ARHGEF10L: variants seen among roughly 807,000 people sequenced by gnomAD.
ARHGEF10L encodes the protein Rho guanine nucleotide exchange factor 10 like, also known as rho guanine nucleotide exchange factor 10-like protein.
ARHGEF10L carries 69 observed loss-of-function variants against 141.2 expected under a neutral mutation model. The ratio of observed to expected loss-of-function variants is 0.49; its 90% CI spans 0.40 to 0.60. ARHGEF10L has a LOEUF of 0.60. ARHGEF10L is among the 20% of genes least tolerant of loss of function. ARHGEF10L has a pLI of 0.00. For missense variants in ARHGEF10L, 1,482 were observed against 1,734.3 expected (o/e 0.85, Z 2.58); for synonymous variants, 711 against 718.5 (o/e 0.99, Z 0.17).
Position 17,634,965 on chromosome 1 carries a change from C to T in ARHGEF10L, c.1876C>T (p.Leu626Phe), listed in dbSNP as rs765207296. Residue 626 changes from leucine to phenylalanine, a missense_variant, in exon 18 of 29, where the codon CTC becomes TTC. Physicochemically the swap from Leu to Phe is conservative, Grantham distance 22 (BLOSUM62 0). This residue lies in a region of ARHGEF10L where 858 missense variants were observed against 966.3 expected (regional missense o/e 0.89). Coordinates refer to ENST00000361221, the MANE Select transcript of ARHGEF10L (RefSeq NM_018125.4). ...TGGCACCTATGACAAGGACAATGTG[C>T]TCATCCAGCACTCAGGCGCCAAGAA... ...DGGTYDKDNVLIQHSGAKKAS... is the reference protein window; with the variant it reads ...DGGTYDKDNVFIQHSGAKKAS... 3 of 1,614,084 alleles carry T rather than the reference C, an allele frequency of 1.9e-6. No homozygotes were observed. Among genetic ancestry groups the T allele is most frequent in the Non-Finnish European group, 2.5e-6 (3 of 1,179,970 alleles).
intron 22 of ARHGEF10L, among the ~76,000 whole-genome samples, chr1:17,652,042 G>T (rs763493527): frequency 2.2e-4 from 34 of 152,232 alleles, no homozygotes; most frequent in Non-Finnish European, 5.9e-5. Context: ...AGCTCACCAC[G>T]TTTCCAGGTG....
intron 4 of ARHGEF10L, among the ~76,000 whole-genome samples, chr1:17,596,145 G>A (rs913674099): frequency 6.6e-6 from 1 of 152,186 alleles, no homozygotes; most frequent in Non-Finnish European, 1.5e-5. Context: ...TCTCTGGGGC[G>A]GGGGCCCTGG....
chr1:17,618,327 T>C, intron 9 of ARHGEF10L: 1 of 1,521,608 alleles, frequency 6.6e-7, no homozygotes. Context: ...TTAATAGCCG[T>C]GGCAGGGCTC....
chr1:17,697,460 C>G lies in ARHGEF10L; in HGVS notation c.*80C>G. ...CGGCTCTCGTGCTCTAGGACCTGCA[C>G]GGGACTTGTGGATGGGCCTGGACTC... On this transcript the variant is annotated 3_prime_UTR_variant, in exon 29 of 29. Coordinates refer to ENST00000361221, the MANE Select transcript of ARHGEF10L (RefSeq NM_018125.4). The surrounding 1 kb of genome is among the most constrained non-coding windows in gnomAD (Gnocchi z 4.8). 1 of 1,487,952 alleles carries G rather than the reference C, an allele frequency of 6.7e-7. No individual in the cohort carries two copies. The highest frequency in any genetic ancestry group is 9.0e-7 in the Non-Finnish European group (1 of 1,109,040). The allele number at this position is 1,487,952 out of a possible 1,614,324, so 92.2% of individuals were successfully genotyped here. A position where few individuals can be genotyped will look rare whatever the true frequency, so the allele number is the denominator to read the frequency against.
At chr1:17,546,799 C>T (rs16828639) in intron 1 of ARHGEF10L, among the ~76,000 whole-genome samples, 3,866 of 152,248 alleles carry the variant, frequency 0.025, 107 homozygotes, top group East Asian at 0.15. Context: ...GGTACCCACA[C>T]GGGCTCCCTA....
Position 17,654,714 on chromosome 1 carries a change from T to A in ARHGEF10L, c.2473T>A (p.Tyr825Asn). 6.2e-7 allele frequency: 1 copy of A among 1,614,014 alleles called. No individual in the cohort carries two copies. The highest frequency in any genetic ancestry group is 8.5e-7 in the Non-Finnish European group (1 of 1,179,936). ...SAVSTSLPQGYLWVGGGQEGA... is the reference protein window; with the variant it reads ...SAVSTSLPQGNLWVGGGQEGA... Reference sequence around the variant, plus strand: ...AGTCAGCACCTCCCTTCCACAGGGCTACCTCTGGGTGAGTCACCCCCCTGC... The same window carrying A: ...AGTCAGCACCTCCCTTCCACAGGGCAACCTCTGGGTGAGTCACCCCCCTGC... Residue 825 changes from tyrosine to asparagine, a missense_variant, in exon 23 of 29, where the codon TAC (tyrosine) becomes AAC (asparagine). Around this residue, in one of 3 missense-constraint regions of ARHGEF10L, gnomAD observed 858 missense variants for 966.3 expected, o/e 0.89. Coordinates refer to ENST00000361221, the MANE Select transcript of ARHGEF10L (RefSeq NM_018125.4). The surrounding 1 kb of genome is among the most constrained non-coding windows in gnomAD (Gnocchi z 4.3).
At chr1:17,631,553 A>G (rs1049288241) in intron 15 of ARHGEF10L, among the ~76,000 whole-genome samples, 3 of 152,228 alleles carry the variant, frequency 2.0e-5, no homozygotes, top group African/African-American at 7.2e-5. Context: ...CGCCTGCTCC[A>G]CTGTGAAGAC....
At chr1:17,614,370 G>A (rs911133799) in intron 8 of ARHGEF10L, among the ~76,000 whole-genome samples, 1 of 152,220 alleles carries the variant, frequency 6.6e-6, no homozygotes, top group Non-Finnish European at 1.5e-5. Context: ...CCTTTCCCCC[G>A]CTTCGGCCAC....
intron 7 of ARHGEF10L, among the ~76,000 whole-genome samples, chr1:17,610,671 A>G (rs1232205540): frequency 2.6e-5 from 4 of 152,130 alleles, no homozygotes; most frequent in Non-Finnish European, 4.4e-5. Flanking sequence ...CTGCTTGGCT[A>G]TGTGCTGTGT....
chr1:17,656,782 A>G lies in ARHGEF10L; in HGVS notation c.2860+74A>G. 6.6e-7 allele frequency: 1 copy of G among 1,508,042 alleles called. No individual in the cohort carries two copies. The highest frequency in any genetic ancestry group is 1.3e-5 in the South Asian group (1 of 77,180). 93.4% of individuals were successfully genotyped at this position (1,508,042 alleles called of 1,614,324 possible). On this transcript the variant is annotated intron_variant, in intron 25 of 28. Coordinates refer to ENST00000361221, the MANE Select transcript of ARHGEF10L (RefSeq NM_018125.4). This position sits in a 1 kb window ranked among gnomAD's most constrained non-coding sequence, Gnocchi z 4.9. The stretch of plus-strand genomic sequence containing the variant: ...TGGGTGCCAGATTCTCTACCAAGAG[A>G]GGATACAGGAGGCTGGGCAGGAATG...
In ARHGEF10L at chr1:17,607,851, T is replaced by TCGGCAGG. The variant is rs1283202626; in HGVS notation, c.487_493dup (p.Glu165AlafsTer11). Reference sequence around the variant, plus strand: ...AGGATGCGCACCGGGCTGGGGCCCCTCGGCAGGCGGAGGACCTAGGCTGGA... The same window carrying TCGGCAGG: ...AGGATGCGCACCGGGCTGGGGCCCCTCGGCAGGCGGCAGGCGGAGGACCTAGGCTGGA... On this transcript the variant is annotated frameshift_variant, in exon 7 of 29. Coordinates refer to ENST00000361221, the MANE Select transcript of ARHGEF10L (RefSeq NM_018125.4). LOFTEE classifies it high-confidence loss of function. This position sits in a 1 kb window ranked among gnomAD's most constrained non-coding sequence, Gnocchi z 4.5. 1 of 1,591,150 alleles carries TCGGCAGG rather than the reference T, an allele frequency of 6.3e-7. No individual in the cohort carries two copies. Among genetic ancestry groups the TCGGCAGG allele is most frequent in the Non-Finnish European group, 8.5e-7 (1 of 1,170,034 alleles).
intron 26 of ARHGEF10L, among the ~76,000 whole-genome samples, chr1:17,667,874 T>C (rs982603754): frequency 6.6e-6 from 1 of 152,186 alleles, no homozygotes; most frequent in Non-Finnish European, 1.5e-5. Flanking sequence ...CAGCAGCCCT[T>C]GCCTGTGTCC....
chr1:17,588,454 C>G lies in ARHGEF10L; in HGVS notation c.232C>G (p.Pro78Ala). 6.2e-7 allele frequency: 1 copy of G among 1,614,006 alleles called. No homozygotes were observed. Among genetic ancestry groups the G allele is most frequent in the South Asian group, 1.1e-5 (1 of 91,072 alleles). ...LDSIPVTDPD[P>A]AAAPPGTGVP... is the part of the protein sequence containing the mutation. ...CTGCTCTTCTTTTGCAGACCCAGAC[C>G]CAGCAGCTGCTCCACCCGGCACAGG... The change falls in exon 4 of 29, where the codon CCA becomes GCA. Residue 78 changes from proline (P) to alanine (A), a missense_variant. Transcript: ENST00000361221.
intron 18 of ARHGEF10L, 57 bp downstream of exon 18, chr1:17,635,073 C>T: frequency 6.2e-7 from 1 of 1,600,148 alleles, no homozygotes; most frequent in Non-Finnish European, 8.5e-7. Context: ...CCAGCCACAG[C>T]CTGGGCTGCT....
At chr1:17,606,209 C>T (rs2081156710) in intron 6 of ARHGEF10L, among the ~76,000 whole-genome samples, 1 of 152,308 alleles carries the variant, frequency 6.6e-6, no homozygotes, top group East Asian at 1.9e-4. Flanking sequence ...TATTATTAGC[C>T]ACATTTTGCA....
At chr1:17,576,015 C>G (rs1305626391) in intron 1 of ARHGEF10L, among the ~76,000 whole-genome samples, 1 of 152,220 alleles carries the variant, frequency 6.6e-6, no homozygotes, top group Non-Finnish European at 1.5e-5. Flanking sequence ...CTGCTTCCCC[C>G]GCTTCTGCCT....
Position 17,625,804 on chromosome 1 carries a change from C to T in ARHGEF10L, c.1318-152C>T, listed in dbSNP as rs564204877. Reference sequence around the variant, plus strand: ...AGAGGGATCCCTGGCTGCAGAACCACGGACCTCTCTCAGCTCTTCTTGCAA... The same window carrying T: ...AGAGGGATCCCTGGCTGCAGAACCATGGACCTCTCTCAGCTCTTCTTGCAA... On this transcript the variant is annotated intron_variant, in intron 13 of 28. Transcript: ENST00000361221. The surrounding 1 kb of genome is among the most constrained non-coding windows in gnomAD (Gnocchi z 4.5). The T allele has an allele frequency of 3.0e-3, 2,015 of 664,980 alleles. 9 individuals are homozygous for T. Among genetic ancestry groups the T allele is most frequent in the Non-Finnish European group, 4.2e-3 (1,602 of 385,312 alleles). 41.2% of individuals were successfully genotyped at this position (664,980 alleles called of 1,614,324 possible).
chr1:17,536,961 C>T (rs1156512083), upstream of ARHGEF10L, among the ~76,000 whole-genome samples: 1 of 152,166 alleles, frequency 6.6e-6, no homozygotes, highest in East Asian at 1.9e-4. Context: ...CCTCAAACTC[C>T]TGGGCTCAAG....
At position 17,694,658 on chromosome 1, in the gene ARHGEF10L, C is replaced by A. The variant is rs1043588552; in HGVS notation, c.3185-500C>A. 56 of 336,248 alleles carry A rather than the reference C, an allele frequency of 1.7e-4. 2 individuals carry two copies. Among genetic ancestry groups the A allele is most frequent in the South Asian group, 1.2e-3 (52 of 45,204 alleles). 20.8% of individuals were successfully genotyped at this position (336,248 alleles called of 1,614,324 possible). ...GAAGAAGCACCCACACGGGCAGGCC[C>A]TGAGGGGCTGCAGCAGAGCCACCTC... On this transcript the variant is annotated intron_variant, in intron 27 of 28. Transcript: ENST00000361221.
Sources: gnomAD v4.1 joint callset for allele counts (sites outside exome capture counted in the v4.1 genomes callset) on GRCh38, gnomAD v4.1.1 for gene constraint, gnomAD v4.1.1 regional missense constraint, Gnocchi (gnomAD v3.1) non-coding constraint, MANE v1.5 for transcripts, NCBI Gene and HGNC (gene_info 2026-07-23, HGNC 2026-07-21) for gene names.